Variants in ACTR10 observed in about 807,000 individuals in gnomAD.
The protein encoded by ACTR10 is actin related protein 10, also known as actin-related protein 10.
A neutral mutation model predicts 56.2 loss-of-function variants in ACTR10; 43 were observed. The ratio of observed to expected loss-of-function variants is 0.77; its 90% CI spans 0.60 to 0.99. The LOEUF is 0.99. ACTR10 is among the 50% of genes least tolerant of loss of function. The probability of loss-of-function intolerance (pLI) is 0.00; values close to 1 mark genes in which losing one functional copy is unlikely to be tolerated. For missense variants in ACTR10, 466 were observed against 507.8 expected (o/e 0.92, Z 0.79); for synonymous variants, 170 against 176.3 (o/e 0.96, Z 0.28).
intron 4 of ACTR10, among the ~76,000 whole-genome samples, chr14:58,210,278 T>C (rs1888961102): frequency 6.6e-6 from 1 of 152,188 alleles, no homozygotes; most frequent in Admixed American, 6.5e-5. Flanking sequence ...CTGAAAAAAA[T>C]GTTGCACAGA....
intron 12 of ACTR10, 68 bp downstream of exon 12, chr14:58,232,335 A>G: frequency 1.8e-6 from 2 of 1,108,412 alleles, no homozygotes; most frequent in Non-Finnish European, 2.5e-6. Context: ...CTATTAATGG[A>G]TATATTAGAA....
At chr14:58,222,417 C>T (rs1228546045) in intron 8 of ACTR10, among the ~76,000 whole-genome samples, 21 of 152,106 alleles carry the variant, frequency 1.4e-4, no homozygotes, top group Admixed American at 1.4e-3. Flanking sequence ...GAGGAACAAT[C>T]ATTACAAAAA....
At chr14:58,207,433 T>A (rs1201071646) in intron 2 of ACTR10, among the ~76,000 whole-genome samples, 1 of 152,024 alleles carries the variant, frequency 6.6e-6, no homozygotes, top group African/African-American at 2.4e-5. Flanking sequence ...CAAGTGATTC[T>A]CCTGCCTCAG....
chr14:58,227,816 T>TA (rs955869876), intron 10 of ACTR10, among the ~76,000 whole-genome samples: 2 of 152,258 alleles, frequency 1.3e-5, no homozygotes, highest in East Asian at 3.8e-4. Context: ...CCCAATTTTA[T>TA]AAAAAATAGA....
At chr14:58,234,302 G>C in intron 12 of ACTR10, 68 bp from the exon 13 acceptor site, 1 of 1,362,556 alleles carries the variant, frequency 7.3e-7, no homozygotes, top group South Asian at 1.6e-5. Flanking sequence ...TGAAGTAGAT[G>C]TATGTGTACA....
rs536182412 is a variant in ACTR10 at position 58,234,375 on chromosome 14, A to G, written c.1078A>G (p.Ile360Val). 4.5e-6 allele frequency: 7 copies of G among 1,554,396 alleles called. No individual in the cohort carries two copies. Among genetic ancestry groups the G allele is most frequent in the Middle Eastern group, 1.7e-4 (1 of 5,834 alleles). Residue 360 changes from isoleucine (I) to valine (V), a missense_variant, in exon 13 of 13, where the codon ATT (isoleucine) becomes GTT (valine). Physicochemically the swap from Ile to Val is conservative, Grantham distance 29. Coordinates refer to ENST00000254286, the MANE Select transcript of ACTR10 (RefSeq NM_018477.3). Reference protein sequence around the residue: ...ANCVAWLGGAIFGALQDILGS... With the variant: ...ANCVAWLGGAVFGALQDILGS... ...AAAATATTTTTGTCACACAGGGGCTATTTTTGGAGCATTACAAGATATACT... is the reference window on the plus strand; with the variant it reads ...AAAATATTTTTGTCACACAGGGGCTGTTTTTGGAGCATTACAAGATATACT...
In ACTR10 at chr14:58,211,339, G is replaced by T. The variant is rs17832891; in HGVS notation, c.390G>T (p.Thr130=). The change falls in exon 5 of 13, where the codon ACG becomes ACT. Residue 130 remains threonine (T), a synonymous_variant. Coordinates refer to ENST00000254286, the MANE Select transcript of ACTR10 (RefSeq NM_018477.3). ...LAPSHLMALL[T]LGINSAMVLD... ...CAAGTCATCTAATGGCTCTTCTGAC[G>T]CTTGGAATTAATTCTGCCATGGTCC... The T allele has an allele frequency of 1.2e-6, 2 of 1,613,626 alleles. No individual in the cohort carries two copies. Among genetic ancestry groups the T allele is most frequent in the Non-Finnish European group, 1.7e-6 (2 of 1,179,768 alleles).
chr14:58,223,575 C>T (rs1312758648), intron 8 of ACTR10, 47 bp from the exon 9 acceptor site: 2 of 1,470,948 alleles, frequency 1.4e-6, no homozygotes, highest in South Asian at 2.5e-5. Flanking sequence ...ACACTCTGTT[C>T]AATTATAATA....
In ACTR10 at chr14:58,200,247, CG is replaced by C; in HGVS notation, c.34del (p.Glu12ArgfsTer6). ...CGCTCTACGAGGGCCTGGGGAGCGG[CG>C]GGGAGAAGACGGCGGTCGTGATCGA... MPLYEGLGSGGEKTAVVIDLG... is the reference protein window; with the variant it reads MPLYEGLGSGXEKTAVVIDLG... On this transcript the variant is annotated frameshift_variant, in exon 1 of 13. Transcript: ENST00000254286. LOFTEE classifies it high-confidence loss of function. 2 of 1,520,664 alleles carry C rather than the reference CG, an allele frequency of 1.3e-6. No homozygotes were observed. Among genetic ancestry groups the C allele is most frequent in the Non-Finnish European group, 1.8e-6 (2 of 1,137,128 alleles). 94.2% of individuals were successfully genotyped at this position (1,520,664 alleles called of 1,614,324 possible). A position where few individuals can be genotyped will look rare whatever the true frequency, so the allele number is the denominator to read the frequency against.
intron 7 of ACTR10, among the ~76,000 whole-genome samples, chr14:58,215,973 CTTTT>C (rs754573194): frequency 9.6e-5 from 13 of 135,740 alleles, no homozygotes; most frequent in South Asian, 4.6e-4. Context: ...TTCTTTCTTT[CTTTT>C]TTTTTTTTTT....
intron 3 of ACTR10, 101 bp downstream of exon 3, chr14:58,208,119 A>AG: frequency 1.1e-6 from 1 of 910,578 alleles, no homozygotes; most frequent in Non-Finnish European, 1.5e-6. Context: ...AAAAAAAAAA[A>AG]TGGACTTCTA....
chr14:58,221,668 G>A (rs992213749), intron 8 of ACTR10, among the ~76,000 whole-genome samples: 5 of 152,160 alleles, frequency 3.3e-5, no homozygotes, highest in Non-Finnish European at 7.4e-5. Context: ...CTTGAACTGG[G>A]ATGCAGAGGT....
intron 2 of ACTR10, among the ~76,000 whole-genome samples, chr14:58,204,011 A>T (rs1888793695): frequency 6.6e-6 from 1 of 152,154 alleles, no homozygotes; most frequent in Non-Finnish European, 1.5e-5. Context: ...AGCAAAAACA[A>T]TAATTGATGC....
chr14:58,205,343 C>T (rs1289463710), intron 2 of ACTR10, among the ~76,000 whole-genome samples: 3 of 130,116 alleles, frequency 2.3e-5, no homozygotes, highest in African/African-American at 8.9e-5. Flanking sequence ...GAGGCGGAGT[C>T]TTGCTCTGTC....
At position 58,211,357 on chromosome 14, in the gene ACTR10, C is replaced by A; in HGVS notation, c.408C>A (p.Ala136=). ...MALLTLGINS[A]MVLDCGYRES... Reference sequence around the variant, plus strand: ...TTCTGACGCTTGGAATTAATTCTGCCATGGTCCTAGATTGTGGATATAGGG... The same window carrying A: ...TTCTGACGCTTGGAATTAATTCTGCAATGGTCCTAGATTGTGGATATAGGG... Residue 136 remains alanine, a synonymous_variant, in exon 5 of 13, where the codon GCC becomes GCA. Coordinates refer to ENST00000254286, the MANE Select transcript of ACTR10 (RefSeq NM_018477.3). 6.2e-7 allele frequency: 1 copy of A among 1,613,790 alleles called. No homozygotes were observed. Among genetic ancestry groups the A allele is most frequent in the Non-Finnish European group, 8.5e-7 (1 of 1,179,834 alleles).
In ACTR10 at chr14:58,218,747, A is replaced by G. The variant is rs139662197; in HGVS notation, c.599-947A>G. Among the ~76,000 whole-genome samples, 517 of 152,274 alleles carry G rather than the reference A, an allele frequency of 3.4e-3. 1 individual carries two copies. The highest frequency in any genetic ancestry group is 5.1e-3 in the Non-Finnish European group (350 of 68,018). ...ATTTATTTTTCAGCTATAGATGTCT[A>G]TCTTCCCTGATATCAATAATTTATT... On this transcript the variant is annotated intron_variant, in intron 7 of 12. Coordinates refer to ENST00000254286, the MANE Select transcript of ACTR10 (RefSeq NM_018477.3).
intron 10 of ACTR10, 132 bp downstream of exon 10, chr14:58,223,988 C>A: frequency 6.7e-6 from 5 of 749,566 alleles, no homozygotes; most frequent in Non-Finnish European, 1.1e-5. Context: ...CCTCATTATT[C>A]ATGATTAATT....
chr14:58,208,825 C>A (rs776349981), intron 3 of ACTR10, among the ~76,000 whole-genome samples, 174 bp from the exon 4 acceptor site: 71 of 152,092 alleles, frequency 4.7e-4, no homozygotes, highest in African/African-American at 1.7e-3. Context: ...GCACACTGCA[C>A]GGTACATAGT....
intron 12 of ACTR10, among the ~76,000 whole-genome samples, chr14:58,233,466 T>C (rs1397724651): frequency 6.6e-6 from 1 of 152,054 alleles, no homozygotes; most frequent in African/African-American, 2.4e-5. Flanking sequence ...CCTAGAAATA[T>C]CAAAAAAATT....
Sources: gnomAD v4.1 joint callset for allele counts (sites outside exome capture counted in the v4.1 genomes callset) on GRCh38, gnomAD v4.1.1 for gene constraint, MANE v1.5 for transcripts, NCBI Gene and HGNC (gene_info 2026-07-23, HGNC 2026-07-21) for gene names.